Variants in LRRC4C observed in about 807,000 individuals in gnomAD.
LRRC4C encodes leucine-rich repeat-containing protein 4C.
A neutral mutation model predicts 33.6 loss-of-function variants in LRRC4C; 5 were observed. The observed-to-expected ratio is 0.15, with a 90% confidence interval of 0.08 to 0.31. LRRC4C has a LOEUF of 0.31. LRRC4C is among the 10% of genes least tolerant of loss of function. The pLI is 1.00. For synonymous variants in LRRC4C, 329 were observed against 302.0 expected (o/e 1.09, Z -0.93); for missense variants, 560 against 796.7 (o/e 0.70, Z 3.58).
At chr11:40,583,536 C>A (rs1201755013) in intron 3 of LRRC4C, among the ~76,000 whole-genome samples, 1 of 152,118 alleles carries the variant, frequency 6.6e-6, no homozygotes, top group Non-Finnish European at 1.5e-5. Flanking sequence ...GCGTACCATA[C>A]CTTGCCTGTC....
chr11:40,201,355 GT>G (rs1862738386), intron 5 of LRRC4C, among the ~76,000 whole-genome samples: 1 of 151,960 alleles, frequency 6.6e-6, no homozygotes, highest in Admixed American at 6.6e-5. Flanking sequence ...TTTTGTTTTT[GT>G]TTTTGTTTTT....
chr11:40,254,370 T>C (rs1370751514), intron 4 of LRRC4C, among the ~76,000 whole-genome samples: 1 of 152,160 alleles, frequency 6.6e-6, no homozygotes, highest in Non-Finnish European at 1.5e-5. Context: ...TGCCATAGAT[T>C]GTGGAGGGGC....
At chr11:40,538,595 G>A (rs1013091864) in intron 3 of LRRC4C, among the ~76,000 whole-genome samples, 1 of 152,234 alleles carries the variant, frequency 6.6e-6, no homozygotes, top group East Asian at 1.9e-4. Flanking sequence ...ATAAACATAC[G>A]TGTGCATGTG....
At chr11:40,423,497 A>ACC (rs1950601213) in intron 3 of LRRC4C, among the ~76,000 whole-genome samples, 2 of 151,500 alleles carry the variant, frequency 1.3e-5, no homozygotes, top group South Asian at 4.2e-4. Flanking sequence ...GGCGCCCGCT[A>ACC]CCACGCCCGG....
intron 2 of LRRC4C, among the ~76,000 whole-genome samples, chr11:40,912,088 AG>A (rs1209653875): frequency 6.6e-6 from 1 of 152,200 alleles, no homozygotes; most frequent in East Asian, 1.9e-4. Flanking sequence ...CCTGAAAGTG[AG>A]GGGGAGAATG....
chr11:40,841,142 T>C (rs1361127058), intron 2 of LRRC4C, among the ~76,000 whole-genome samples: 1 of 152,242 alleles, frequency 6.6e-6, no homozygotes, highest in African/African-American at 2.4e-5. Flanking sequence ...TTTTTAGAAG[T>C]TCTATCATTA....
At chr11:40,752,975 T>A (rs11036063) in intron 2 of LRRC4C, among the ~76,000 whole-genome samples, 5,542 of 152,232 alleles carry the variant, frequency 0.036, 330 homozygotes, top group African/African-American at 0.13. Context: ...GGCAGTAACA[T>A]GTATAGAACT....
intron 3 of LRRC4C, among the ~76,000 whole-genome samples, chr11:40,401,970 A>G (rs1306163088): frequency 6.6e-6 from 1 of 152,134 alleles, no homozygotes; most frequent in Non-Finnish European, 1.5e-5. Context: ...TCAGACAAAA[A>G]GAAAGGAGCC....
chr11:40,298,249 G>C (rs748394094), intron 4 of LRRC4C, among the ~76,000 whole-genome samples: 4 of 152,050 alleles, frequency 2.6e-5, no homozygotes, highest in African/African-American at 4.8e-5. Flanking sequence ...TTAGCAATGA[G>C]TGCATAATAA....
intron 3 of LRRC4C, among the ~76,000 whole-genome samples, chr11:40,540,323 C>T (rs868713204): frequency 1.3e-5 from 2 of 152,092 alleles, no homozygotes; most frequent in African/African-American, 2.4e-5. Context: ...AAAATTGATC[C>T]GCTAAAGTTT....
chr11:41,298,783 C>T (rs1950210165), intron 1 of LRRC4C, among the ~76,000 whole-genome samples: 1 of 151,990 alleles, frequency 6.6e-6, no homozygotes, highest in Non-Finnish European at 1.5e-5. Context: ...TTCTCATCTC[C>T]CACCCACCCT....
At chr11:40,424,951 T>C (rs1351245339) in intron 3 of LRRC4C, among the ~76,000 whole-genome samples, 1 of 152,198 alleles carries the variant, frequency 6.6e-6, no homozygotes, top group Non-Finnish European at 1.5e-5. Flanking sequence ...AAAAGCAATC[T>C]TAGAAAACAG....
chr11:41,103,519 G>T (rs1479699602), intron 1 of LRRC4C, among the ~76,000 whole-genome samples: 1 of 150,572 alleles, frequency 6.6e-6, no homozygotes, highest in Non-Finnish European at 1.5e-5. Flanking sequence ...TTCTGAGGCT[G>T]TGCAACATAC....
Position 41,098,326 on chromosome 11 carries a change from A to G in LRRC4C, c.-495-164603T>C, listed in dbSNP as rs74892319. Among the ~76,000 whole-genome samples, 3 of 152,276 alleles carry G rather than the reference A, an allele frequency of 2.0e-5. No individual in the cohort carries two copies. The East Asian group carries it at 5.8e-4, about 29-fold the overall frequency. On this transcript the variant is annotated intron_variant, in intron 1 of 6. Coordinates refer to ENST00000528697, the MANE Select transcript of LRRC4C (RefSeq NM_001258419.2). ...GTTTCTCAATTCTTTCATTGGTCAG[A>G]TATCTCATATCCCTCCAGTTTAGCT...
rs147636821 is a variant in LRRC4C, at chr11:41,166,296, C to G, written c.-495-232573G>C. The stretch of plus-strand genomic sequence containing the variant: ...CCACACATATTTAACTGTATTTTCT[C>G]TAGTCCCTGGAGCAATTTGCATTGC... On this transcript the variant is annotated intron_variant, in intron 1 of 6. Coordinates refer to ENST00000528697, the MANE Select transcript of LRRC4C (RefSeq NM_001258419.2). Among the ~76,000 whole-genome samples the G allele has an allele frequency of 6.2e-3, 941 of 152,264 alleles. 15 individuals are homozygous for G. Among genetic ancestry groups the G allele is most frequent in the African/African-American group, 0.022 (895 of 41,558 alleles).
chr11:40,461,440 G>C (rs1006651266), intron 3 of LRRC4C, among the ~76,000 whole-genome samples: 3 of 152,002 alleles, frequency 2.0e-5, no homozygotes, highest in Non-Finnish European at 2.9e-5. Flanking sequence ...TCTATAAAGT[G>C]GGTATAATTT....
chr11:41,070,729 C>A (rs1218064424), intron 1 of LRRC4C, among the ~76,000 whole-genome samples: 4 of 152,024 alleles, frequency 2.6e-5, no homozygotes, highest in African/African-American at 9.7e-5. Context: ...CATTTCATGC[C>A]AATCAGAATG....
At chr11:41,175,967 T>G (rs763989521) in intron 1 of LRRC4C, among the ~76,000 whole-genome samples, 14 of 152,188 alleles carry the variant, frequency 9.2e-5, no homozygotes, top group South Asian at 4.1e-4. Context: ...CCAGTAGGAC[T>G]TCTGTTATTC....
At chr11:40,858,060 C>G (rs1189810237) in intron 2 of LRRC4C, among the ~76,000 whole-genome samples, 1 of 134,004 alleles carries the variant, frequency 7.5e-6, no homozygotes, top group Non-Finnish European at 1.6e-5. Flanking sequence ...AGGGAAAACT[C>G]TAAAGCTGCA....
Sources: gnomAD v4.1 joint callset for allele counts (sites outside exome capture counted in the v4.1 genomes callset) on GRCh38, gnomAD v4.1.1 for gene constraint, MANE v1.5 for transcripts, NCBI Gene and HGNC (gene_info 2026-07-23, HGNC 2026-07-21) for gene names.